The following MYPN variants were observed in gnomAD, a reference collection of about 807,000 sequenced individuals.
MYPN encodes the protein sarcomeric protein myopalladin, 145 kDa (MYOP).
MYPN carries 63 observed loss-of-function variants against 129.4 expected under a neutral mutation model. That is an observed-to-expected ratio of 0.49 (90% CI 0.40 to 0.60). The LOEUF is 0.60. Among genes scored for constraint, MYPN ranks in the 20% least tolerant of loss-of-function variants. MYPN has a pLI of 0.00. For synonymous variants in MYPN, 629 were observed against 600.9 expected, an observed-to-expected ratio of 1.05 and a Z score of -0.68; for missense variants, 1,596 against 1,635.4, an observed-to-expected ratio of 0.98 and a Z score of 0.42.
chr10:68,164,092 A>G (rs949171831), intron 8 of MYPN, among the ~76,000 whole-genome samples: 1 of 152,226 alleles, frequency 6.6e-6, no homozygotes, highest in Admixed American at 6.5e-5. Context: ...GTTACTGAGT[A>G]GGTACTTGCT....
intron 6 of MYPN, among the ~76,000 whole-genome samples, chr10:68,157,696 GCCGGGCGTGGTGA>G: frequency 6.9e-6 from 1 of 144,906 alleles, no homozygotes; most frequent in African/African-American, 2.5e-5. Context: ...AAAAAAATTA[GCCGGGCGTGGTGA>G]CCTGTGCCTT....
chr10:68,196,386 C>A (rs1256316116), intron 15 of MYPN, among the ~76,000 whole-genome samples: 1 of 151,916 alleles, frequency 6.6e-6, no homozygotes, highest in Non-Finnish European at 1.5e-5. Context: ...TAGCTGCTGA[C>A]ACAGACGAAT....
intron 1 of MYPN, among the ~76,000 whole-genome samples, chr10:68,096,083 A>G (rs59387458): frequency 0.081 from 12,275 of 152,228 alleles, 1,306 homozygotes; most frequent in African/African-American, 0.24. Context: ...TCAGAGATCG[A>G]TAAAAGATAA....
Position 68,166,567 on chromosome 10 carries a change from C to A in MYPN, c.1874C>A (p.Pro625His). The stretch of plus-strand genomic sequence containing the variant: ...GTGGTGACCACCAGACAGACCAGGC[C>A]CGATTCTTTCCAGGAGAGGTTCAAC... Reference protein sequence around the residue: ...AGVVTTRQTRPDSFQERFNGQ... With the variant: ...AGVVTTRQTRHDSFQERFNGQ... The change falls in exon 10 of 20, where the codon CCC becomes CAC. Residue 625 changes from proline (P) to histidine (H), a missense_variant. Transcript: ENST00000358913. The A allele has an allele frequency of 6.2e-7, 1 of 1,614,156 alleles. No individual in the cohort carries two copies. Among genetic ancestry groups the A allele is most frequent in the East Asian group, 2.2e-5 (1 of 44,882 alleles).
intron 10 of MYPN, among the ~76,000 whole-genome samples, chr10:68,170,974 C>T (rs2043134825): frequency 6.6e-6 from 1 of 151,800 alleles, no homozygotes; most frequent in Non-Finnish European, 1.5e-5. Context: ...CATGGTGAAA[C>T]CCCGTCTCTA....
chr10:68,171,756 C>T (rs1205650140), intron 10 of MYPN, among the ~76,000 whole-genome samples: 1 of 152,144 alleles, frequency 6.6e-6, no homozygotes, highest in East Asian at 1.9e-4. Flanking sequence ...GATGCACTGG[C>T]AAATGTTTAA....
chr10:68,098,335 A>G (rs927005668), intron 1 of MYPN, among the ~76,000 whole-genome samples: 2 of 152,166 alleles, frequency 1.3e-5, no homozygotes, highest in Non-Finnish European at 2.9e-5. Flanking sequence ...TGGCACTTGG[A>G]AACGTTCTCT....
At chr10:68,175,156 G>T (rs946860662) in intron 11 of MYPN, among the ~76,000 whole-genome samples, 167 bp from the exon 12 acceptor site, 13 of 151,972 alleles carry the variant, frequency 8.6e-5, no homozygotes, top group Non-Finnish European at 1.9e-4. Context: ...TTAAATTAAA[G>T]TATCAAAAAG....
chr10:68,170,348 T>G (rs1478230843), intron 10 of MYPN, among the ~76,000 whole-genome samples: 1 of 152,236 alleles, frequency 6.6e-6, no homozygotes, highest in Non-Finnish European at 1.5e-5. Flanking sequence ...TATAATTCTT[T>G]AATATTCTTT....
At chr10:68,195,646 C>A in intron 15 of MYPN, 114 bp downstream of exon 15, 3 of 836,434 alleles carry the variant, frequency 3.6e-6, no homozygotes, top group Non-Finnish European at 6.2e-6. Context: ...CCTTCACTTG[C>A]AGCACTAGCA....
At chr10:68,090,839 GACC>G (rs2041927446) in intron 1 of MYPN, among the ~76,000 whole-genome samples, 1 of 152,150 alleles carries the variant, frequency 6.6e-6, no homozygotes, top group Non-Finnish European at 1.5e-5. Context: ...ACTGTCATAA[GACC>G]TTGGAGCTTA....
chr10:68,144,210 C>T (rs1400734586), intron 3 of MYPN, among the ~76,000 whole-genome samples: 1 of 152,122 alleles, frequency 6.6e-6, no homozygotes, highest in Non-Finnish European at 1.5e-5. Context: ...AACTTATGCT[C>T]CTTTGTATCT....
rs763819518 is a variant in MYPN at position 68,143,083 on chromosome 10, C to A, written c.1046C>A (p.Thr349Lys). The A allele has an allele frequency of 1.7e-4, 276 of 1,613,996 alleles. 2 individuals carry two copies. Among genetic ancestry groups the A allele is most frequent in the Non-Finnish European group, 1.8e-4 (217 of 1,180,010 alleles). ...YSCFASNIYGTDSTSAEIYIE... is the reference protein window; with the variant it reads ...YSCFASNIYGKDSTSAEIYIE... ...TGCTTTGCTTCTAACATCTATGGGA[C>A]AGATTCGACTTCTGCTGAGATTTAT... Residue 349 changes from threonine (T) to lysine (K), a missense_variant, in exon 3 of 20, where the codon ACA becomes AAA. By Grantham distance (78) the Thr-to-Lys change is moderately conservative. Transcript: ENST00000358913.
chr10:68,150,544 C>CT (rs111986447), intron 6 of MYPN, among the ~76,000 whole-genome samples: 23,150 of 152,160 alleles, frequency 0.15, 1,914 homozygotes, highest in Middle Eastern at 0.22. Context: ...AAAGAGCTTT[C>CT]TTTTTCTATT....
At chr10:68,195,304 C>A (rs2043585864) in intron 14 of MYPN, 146 bp from the exon 15 acceptor site, 8 of 713,278 alleles carry the variant, frequency 1.1e-5, no homozygotes, top group Non-Finnish European at 2.0e-5. Flanking sequence ...TTTAAGAAAT[C>A]ATATTTTATT....
intron 2 of MYPN, among the ~76,000 whole-genome samples, chr10:68,138,674 G>T (rs747384565): frequency 6.6e-6 from 1 of 152,152 alleles, no homozygotes; most frequent in Non-Finnish European, 1.5e-5. Flanking sequence ...TACTGCTATT[G>T]CTTGGTTTGC....
chr10:68,105,030 C>T (rs11817998), upstream of MYPN, among the ~76,000 whole-genome samples: 286 of 152,282 alleles, frequency 1.9e-3, 1 homozygote, highest in African/African-American at 6.6e-3. Context: ...GTGAGCCACC[C>T]GCCTCAGCCT....
chr10:68,149,802 C>G (rs1421784812), intron 5 of MYPN, among the ~76,000 whole-genome samples: 1 of 152,056 alleles, frequency 6.6e-6, no homozygotes, highest in South Asian at 2.1e-4. Context: ...ATCCACAGAT[C>G]TACATGTGAA....
In MYPN at chr10:68,124,246, A is replaced by G. The variant is rs955972258; in HGVS notation, c.902+1906A>G. ...AACATGTCCTACTTTTGATTTTATA[A>G]TGGAATAACATGTGAAAAATGTGGT... On this transcript the variant is annotated intron_variant, in intron 2 of 19. Transcript: ENST00000358913. Among the ~76,000 whole-genome samples the G allele has an allele frequency of 3.3e-5, 5 of 152,320 alleles. No homozygotes were observed. In the East Asian group the frequency reaches 9.6e-4, roughly 29 times the overall value.
Sources: allele counts gnomAD v4.1 joint callset (sites outside exome capture counted in the v4.1 genomes callset), GRCh38; gene constraint gnomAD v4.1.1; transcripts MANE v1.5; gene names NCBI Gene and HGNC (gene_info 2026-07-23, HGNC 2026-07-21).